STK3: variants seen among roughly 807,000 people sequenced by gnomAD.
STK3 encodes serine/threonine-protein kinase 3.
A neutral mutation model predicts 58.0 loss-of-function variants in STK3; 41 were observed. The observed-to-expected ratio is 0.71, with a 90% CI of 0.55 to 0.92. STK3 has a LOEUF of 0.92. STK3 is among the 40% of genes least tolerant of loss of function. The probability of loss-of-function intolerance (pLI) is 0.00; values close to 1 mark genes in which losing one functional copy is unlikely to be tolerated. For synonymous variants in STK3, 170 were observed against 191.0 expected (o/e 0.89, Z 0.91); for missense variants, 479 against 602.7 (o/e 0.79, Z 2.15).
intron 10 of STK3, among the ~76,000 whole-genome samples, chr8:98,520,464 G>C (rs766161530): frequency 1.3e-5 from 2 of 152,080 alleles, no homozygotes; most frequent in Non-Finnish European, 2.9e-5. Flanking sequence ...CTGCACATCT[G>C]TCTAGCAGGT....
intron 1 of STK3, among the ~76,000 whole-genome samples, chr8:98,788,258 T>C (rs1832592817): frequency 6.6e-6 from 1 of 151,886 alleles, no homozygotes; most frequent in African/African-American, 2.4e-5. Context: ...GACAACATGG[T>C]GAAACCCTGT....
At chr8:98,662,019 TAAAG>T (rs1353840966) in intron 6 of STK3, among the ~76,000 whole-genome samples, 1 of 152,148 alleles carries the variant, frequency 6.6e-6, no homozygotes, top group African/African-American at 2.4e-5. Flanking sequence ...TTCTTAAGCA[TAAAG>T]ATTGTTTCCT....
At chr8:98,770,680 A>G (rs1408899932) in intron 2 of STK3, among the ~76,000 whole-genome samples, 1 of 152,210 alleles carries the variant, frequency 6.6e-6, no homozygotes. Context: ...TATGTTGACA[A>G]AAAGGGTCCA....
intron 6 of STK3, among the ~76,000 whole-genome samples, chr8:98,651,274 T>G (rs898588885): frequency 2.0e-5 from 3 of 152,216 alleles, no homozygotes; most frequent in Admixed American, 6.5e-5. Context: ...CACCTGCAGC[T>G]GAGGGTCCTG....
intron 1 of STK3, among the ~76,000 whole-genome samples, chr8:98,892,539 C>T (rs973271939): frequency 6.6e-5 from 10 of 152,178 alleles, no homozygotes; most frequent in African/African-American, 1.7e-4. Flanking sequence ...ACTGCCTCCC[C>T]GTCAGTGCAC....
chr8:98,651,166 A>G (rs1050918397), intron 6 of STK3, among the ~76,000 whole-genome samples: 1 of 152,210 alleles, frequency 6.6e-6, no homozygotes, highest in Admixed American at 6.5e-5. Context: ...ACGATCAGAC[A>G]GCAGCATTCG....
chr8:98,566,272 T>G (rs991134846), intron 8 of STK3, among the ~76,000 whole-genome samples: 2 of 152,132 alleles, frequency 1.3e-5, no homozygotes, highest in African/African-American at 4.8e-5. Flanking sequence ...AACCAACATA[T>G]CTTGTAATGG....
At chr8:98,475,713 G>T (rs190165526) in intron 10 of STK3, among the ~76,000 whole-genome samples, 48 of 152,274 alleles carry the variant, frequency 3.2e-4, no homozygotes, top group African/African-American at 1.2e-3. Flanking sequence ...CAAGTTTAAA[G>T]AAGTGAAACA....
chr8:98,730,238 A>T (rs749142026), intron 4 of STK3, among the ~76,000 whole-genome samples: 5 of 152,206 alleles, frequency 3.3e-5, no homozygotes, highest in Admixed American at 6.5e-5. Context: ...ATATAAAACA[A>T]GTCCACCACC....
rs892206924 is a variant in STK3 at position 98,538,488 on chromosome 8, C to T, written c.1141+9481G>A. Among the ~76,000 whole-genome samples, 9 of 152,014 alleles carry T rather than the reference C, an allele frequency of 5.9e-5. 1 individual carries two copies. The highest frequency in any genetic ancestry group is 1.2e-4 in the Non-Finnish European group (8 of 68,012). ...TCTGAGAAAGAACTTAATAAGTATC[C>T]AAGTATTTATGAAGGGTTCTTTGCA... On this transcript the variant is annotated intron_variant, in intron 9 of 10. Transcript: ENST00000419617.
At chr8:98,613,572 A>G (rs1393582122) in intron 6 of STK3, among the ~76,000 whole-genome samples, 1 of 152,114 alleles carries the variant, frequency 6.6e-6, no homozygotes, top group Non-Finnish European at 1.5e-5. Flanking sequence ...AGTTTTGCAT[A>G]GAAATATCCT....
intron 2 of STK3, among the ~76,000 whole-genome samples, chr8:98,436,257 C>G (rs528118632): frequency 2.4e-4 from 36 of 152,254 alleles, no homozygotes; most frequent in African/African-American, 8.4e-4. Context: ...ACAGCTCTGT[C>G]CACAGCCACA....
the STK3 span, among the ~76,000 whole-genome samples, chr8:98,348,733 A>C: frequency 6.6e-6 from 1 of 152,254 alleles, no homozygotes; most frequent in Non-Finnish European, 1.5e-5. Context: ...TAGAATGTTG[A>C]AAATTCAAGA....
intron 1 of STK3, among the ~76,000 whole-genome samples, chr8:98,381,080 C>T (rs1817727033): frequency 7.1e-6 from 1 of 141,666 alleles, no homozygotes; most frequent in Non-Finnish European, 1.5e-5. Flanking sequence ...AAGTGATTCT[C>T]TTGCCTAAGC....
intron 6 of STK3, among the ~76,000 whole-genome samples, chr8:98,703,422 T>G (rs964365314): frequency 2.0e-5 from 3 of 152,160 alleles, no homozygotes; most frequent in African/African-American, 7.2e-5. Context: ...GGTAAAAAAC[T>G]TCAATATTTC....
chr8:98,744,345 T>C (rs1213318018), intron 4 of STK3, among the ~76,000 whole-genome samples: 1 of 151,910 alleles, frequency 6.6e-6, no homozygotes, highest in South Asian at 2.1e-4. Context: ...TGTCCAACAA[T>C]GATAGACTGG....
chr8:98,447,553 TA>T (rs1819004576), intron 1 of STK3, among the ~76,000 whole-genome samples: 1 of 148,042 alleles, frequency 6.8e-6, no homozygotes, highest in African/African-American at 2.5e-5. Flanking sequence ...ATATACTATA[TA>T]TATATATAGT....
intron 4 of STK3, among the ~76,000 whole-genome samples, chr8:98,723,960 T>G (rs1175925936): frequency 6.6e-6 from 1 of 152,200 alleles, no homozygotes; most frequent in Non-Finnish European, 1.5e-5. Flanking sequence ...TTGCATTTAT[T>G]GAGTTCTTAC....
intron 3 of STK3, among the ~76,000 whole-genome samples, chr8:98,404,642 T>C (rs1270799236): frequency 1.5e-5 from 2 of 136,314 alleles, no homozygotes; most frequent in East Asian, 2.2e-4. Flanking sequence ...ATGGTGCCAC[T>C]GCACTCCAGC....
Sources: allele counts gnomAD v4.1 joint callset (sites outside exome capture counted in the v4.1 genomes callset), GRCh38; gene constraint gnomAD v4.1.1; transcripts MANE v1.5; gene names NCBI Gene and HGNC (gene_info 2026-07-23, HGNC 2026-07-21).